The following CCNQ variants were observed in gnomAD, a reference collection of about 807,000 sequenced individuals.
CCNQ encodes the protein cyclin-Q.
A neutral mutation model predicts 17.7 loss-of-function variants in CCNQ; 3 were observed. The ratio of observed to expected loss-of-function variants is 0.17; its 90% CI spans 0.08 to 0.44. The LOEUF (loss-of-function observed/expected upper bound fraction) is 0.44, where lower values mean the gene tolerates loss of function less well. Among genes scored for constraint, CCNQ ranks in the 20% least tolerant of loss-of-function variants. CCNQ has a pLI of 0.99. For synonymous variants in CCNQ, 73 were observed against 96.0 expected (o/e 0.76, Z 1.40); for missense variants, 146 against 222.6 (o/e 0.66, Z 2.19).
intron 4 of CCNQ, among the ~76,000 whole-genome samples, chrX:153,591,227 C>T (rs1557025713): frequency 8.9e-6 from 1 of 112,200 alleles, no homozygotes; most frequent in African/African-American, 3.2e-5. Flanking sequence ...ACCTGGATTC[C>T]GGAAGCTTCT....
At chrX:153,598,144 G>A (rs1482198729) in intron 1 of CCNQ, among the ~76,000 whole-genome samples, 1 of 111,187 alleles carries the variant, frequency 9.0e-6, no homozygotes, top group Non-Finnish European at 1.9e-5. Context: ...GGCCGGACGA[G>A]GTAGCTCACG....
chrX:153,595,499 C>T (rs1047335890), intron 2 of CCNQ, among the ~76,000 whole-genome samples: 4 of 113,527 alleles, frequency 3.5e-5, no homozygotes, highest in Non-Finnish European at 7.5e-5. Context: ...TTTCCCAGAC[C>T]GTCTTTCCCT....
intron 4 of CCNQ, among the ~76,000 whole-genome samples, chrX:153,592,269 C>A (rs1347951268): frequency 8.8e-6 from 1 of 113,075 alleles, no homozygotes; most frequent in Non-Finnish European, 1.9e-5. Context: ...TCCCGGGACA[C>A]CGGCGACGTC....
rs182816008 is a variant in CCNQ, at chrX:153,587,966, C to T, written c.*399G>A. On this transcript the variant is annotated 3_prime_UTR_variant, in exon 5 of 5. Coordinates refer to ENST00000576892, the MANE Select transcript of CCNQ (RefSeq NM_152274.5). ...TTTATTACACAAAATAGATTTCAGC[C>T]ACGTTGCACATTCATTCTCCCTACA... The T allele has an allele frequency of 9.8e-3, 2,919 of 297,317 alleles. 29 individuals carry two copies. Among genetic ancestry groups the T allele is most frequent in the Admixed American group, 0.052 (994 of 19,081 alleles). 24.5% of individuals were successfully genotyped at this position (297,317 alleles called of 1,213,427 possible). A position where few individuals can be genotyped will look rare whatever the true frequency, so the allele number is the denominator to read the frequency against.
intron 3 of CCNQ, 129 bp from the exon 4 acceptor site, chrX:153,592,862 T>C: frequency 4.8e-6 from 3 of 629,565 alleles, no homozygotes; most frequent in Non-Finnish European, 7.6e-6. Context: ...CAAGGCCTTC[T>C]GCTGGCCCCA....
At chrX:153,588,512 C>T in intron 4 of CCNQ, 58 bp from the exon 5 acceptor site, 2 of 878,230 alleles carry the variant, frequency 2.3e-6, no homozygotes, top group Middle Eastern at 5.4e-4. Flanking sequence ...AAACAAGGCA[C>T]CTGTCACTAA....
intron 4 of CCNQ, among the ~76,000 whole-genome samples, chrX:153,589,627 G>A (rs1439366960): frequency 8.9e-6 from 1 of 112,775 alleles, no homozygotes; most frequent in Non-Finnish European, 1.9e-5. Context: ...TAGCCACCCT[G>A]TGCCAGAGCT....
intron 4 of CCNQ, among the ~76,000 whole-genome samples, chrX:153,590,446 TG>T (rs1246973712): frequency 9.1e-6 from 1 of 109,558 alleles, no homozygotes; most frequent in Non-Finnish European, 1.9e-5. Context: ...ATTCCACTCC[TG>T]TGAGGGGCCT....
Position 153,598,938 on chromosome X carries a change from C to T in CCNQ, c.112+24G>A, listed in dbSNP as rs782543853. 9 of 1,095,553 alleles carry T rather than the reference C, an allele frequency of 8.2e-6. No homozygotes were observed. The South Asian group carries it at 1.0e-4, about 12-fold the overall frequency. The allele number at this position is 1,095,553 out of a possible 1,213,427, so 90.3% of individuals were successfully genotyped here. On this transcript the variant is annotated intron_variant, in intron 1 of 4. Transcript: ENST00000576892. ...GAAGCGGGCCGCGGCGCCGCCTGTC[C>T]TGGCCTCCCCCGGCCGCGGTTACCT... is the stretch of plus-strand genomic sequence containing the variant.
At chrX:153,591,249 C>G (rs12007549) in intron 4 of CCNQ, among the ~76,000 whole-genome samples, 8,496 of 111,645 alleles carry the variant, frequency 0.076, 348 homozygotes, top group African/African-American at 0.16. Flanking sequence ...GTGCACAGCC[C>G]CGAGCTGGGA....
chrX:153,596,030 A>G lies in CCNQ; in HGVS notation c.270T>C (p.Thr90=). The change falls in exon 2 of 5, where the codon ACT becomes ACC. Residue 90 remains threonine (T), a synonymous_variant. Coordinates refer to ENST00000576892, the MANE Select transcript of CCNQ (RefSeq NM_152274.5). ...TGTTGGACACATTGATGATGTCACG[A>G]GTCCGCAGGTGCTGCTCTTCCACTT... The part of the protein sequence containing the change: ...AGKVEEQHLR[T]RDIINVSNRY... The G allele has an allele frequency of 8.2e-7, 1 of 1,212,169 alleles. No homozygotes were observed. The highest frequency in any genetic ancestry group is 1.1e-6 in the Non-Finnish European group (1 of 895,605).
Position 153,596,040 on chromosome X carries a change from T to C in CCNQ, c.260A>G (p.His87Arg). ...IYLAGKVEEQ[H>R]LRTRDIINVS... The stretch of plus-strand genomic sequence containing the variant: ...ATTGATGATGTCACGAGTCCGCAGG[T>C]GCTGCTCTTCCACTTTGCCGGCCAA... Residue 87 changes from histidine to arginine, a missense_variant, in exon 2 of 5, where the codon CAC (histidine) becomes CGC (arginine). His to Arg is a conservative substitution (Grantham distance 29). Coordinates refer to ENST00000576892, the MANE Select transcript of CCNQ (RefSeq NM_152274.5). 8.3e-7 allele frequency: 1 copy of C among 1,212,013 alleles called. No individual in the cohort carries two copies. Among genetic ancestry groups the C allele is most frequent in the Non-Finnish European group, 1.1e-6 (1 of 895,560 alleles).
intron 1 of CCNQ, among the ~76,000 whole-genome samples, chrX:153,598,662 C>T (rs1386337089): frequency 8.8e-6 from 1 of 113,190 alleles, no homozygotes; most frequent in Non-Finnish European, 1.9e-5. Context: ...CGGGTGCCGG[C>T]AGAAGGCGTG....
intron 1 of CCNQ, among the ~76,000 whole-genome samples, chrX:153,598,453 C>G (rs919771435): frequency 3.6e-5 from 4 of 112,059 alleles, no homozygotes; most frequent in Non-Finnish European, 5.6e-5. Flanking sequence ...TGGATGGAAA[C>G]GATGTTTCTA....
At chrX:153,594,193 T>C (rs1160828849) in intron 3 of CCNQ, among the ~76,000 whole-genome samples, 2 of 112,738 alleles carry the variant, frequency 1.8e-5, no homozygotes, top group Non-Finnish European at 3.8e-5. Context: ...ACGGGGACTC[T>C]GGCCGGTCAC....
At chrX:153,590,231 TAAAAAAA>T (rs59053078) in intron 4 of CCNQ, among the ~76,000 whole-genome samples, 455 of 26,453 alleles carry the variant, frequency 0.017, 7 homozygotes, top group African/African-American at 0.075. Context: ...CTGTCTCTAT[TAAAAAAA>T]AAAAAAAAAA....
At position 153,592,655 on chromosome X, in the gene CCNQ, C is replaced by T. The variant is rs1178567203; in HGVS notation, c.508G>A (p.Ala170Thr). ...TAGCTGTCCCGCAGCAGGGCCCAGG[C>T]GGTGACGGCAACAGGGGTCCGCTGC... ...SWQRTPVAVT[A>T]WALLRDSYHG... Residue 170 changes from alanine (A) to threonine (T), a missense_variant, in exon 4 of 5, where the codon GCC becomes ACC. Coordinates refer to ENST00000576892, the MANE Select transcript of CCNQ (RefSeq NM_152274.5). 9.1e-6 allele frequency: 11 copies of T among 1,209,991 alleles called. No individual in the cohort carries two copies. The highest frequency in any genetic ancestry group is 3.0e-5 in the East Asian group (1 of 33,740).
intron 2 of CCNQ, among the ~76,000 whole-genome samples, chrX:153,595,562 C>A (rs1279472383): frequency 4.4e-5 from 5 of 113,416 alleles, no homozygotes; most frequent in Admixed American, 3.7e-4. Context: ...CCTGCTTGGG[C>A]CGGCTGTGCC....
In CCNQ at chrX:153,596,204, G is replaced by A. The variant is rs1256126134; in HGVS notation, c.113-17C>T. ...GCTTGACACCTGCGGAGAGAAAGCA[G>A]GCAAGAGAGGACTTCAATCCAGCGC... On this transcript the variant is annotated splice_polypyrimidine_tract_variant and intron_variant, in intron 1 of 4. Coordinates refer to ENST00000576892, the MANE Select transcript of CCNQ (RefSeq NM_152274.5). 8.3e-7 allele frequency: 1 copy of A among 1,209,903 alleles called. No homozygotes were observed. Among genetic ancestry groups the A allele is most frequent in the Admixed American group, 2.2e-5 (1 of 46,106 alleles).
Sources: allele counts gnomAD v4.1 joint callset (sites outside exome capture counted in the v4.1 genomes callset), GRCh38; gene constraint gnomAD v4.1.1; transcripts MANE v1.5; gene names NCBI Gene and HGNC (gene_info 2026-07-23, HGNC 2026-07-21).